FSTL5: variants seen among roughly 807,000 people sequenced by gnomAD.
FSTL5 encodes follistatin like 5, also known as follistatin-related protein 5.
Under a neutral mutation model 89.1 loss-of-function variants are expected in FSTL5, and 62 were observed. The ratio of observed to expected loss-of-function variants is 0.70; its 90% CI spans 0.57 to 0.86. The LOEUF (loss-of-function observed/expected upper bound fraction) is 0.86, where lower values mean the gene tolerates loss of function less well. Among genes scored for constraint, FSTL5 ranks in the 40% least tolerant of loss-of-function variants. The probability of loss-of-function intolerance (pLI) is 0.00; values close to 1 mark genes in which losing one functional copy is unlikely to be tolerated. For synonymous variants in FSTL5, 383 were observed against 346.2 expected (o/e 1.11, Z -1.18); for missense variants, 1,057 against 1,001.6 (o/e 1.06, Z -0.75).
chr4:161,830,184 T>C (rs1258911873), intron 4 of FSTL5, among the ~76,000 whole-genome samples: 1 of 152,032 alleles, frequency 6.6e-6, no homozygotes, highest in African/African-American at 2.4e-5. Context: ...TACAAAACAA[T>C]TGGTCCATCA....
chr4:161,997,831 C>T (rs1298347873), intron 3 of FSTL5, among the ~76,000 whole-genome samples: 1 of 152,048 alleles, frequency 6.6e-6, no homozygotes, highest in African/African-American at 2.4e-5. Context: ...GTCTCGATCT[C>T]CTGACCTCGT....
chr4:161,910,839 A>C (rs1425418243), intron 4 of FSTL5, among the ~76,000 whole-genome samples: 1 of 152,200 alleles, frequency 6.6e-6, no homozygotes, highest in African/African-American at 2.4e-5. Flanking sequence ...GACTACAAGT[A>C]AAAACATTTT....
At chr4:162,130,656 A>AT (rs1213940937) in intron 1 of FSTL5, among the ~76,000 whole-genome samples, 1 of 152,130 alleles carries the variant, frequency 6.6e-6, no homozygotes, top group Non-Finnish European at 1.5e-5. Context: ...AATAGCAAAC[A>AT]TTTTCTGAGT....
intron 7 of FSTL5, among the ~76,000 whole-genome samples, chr4:161,649,376 A>G (rs1273311482): frequency 6.6e-6 from 1 of 152,172 alleles, no homozygotes; most frequent in Non-Finnish European, 1.5e-5. Flanking sequence ...AATTAAACTC[A>G]ATCCTTACAA....
At chr4:161,758,010 C>T (rs914008814) in intron 6 of FSTL5, among the ~76,000 whole-genome samples, 1 of 152,166 alleles carries the variant, frequency 6.6e-6, no homozygotes, top group Non-Finnish European at 1.5e-5. Context: ...TCCTGTGTTG[C>T]ATTCTGCCTA....
At chr4:161,481,728 C>A (rs1233837188) in intron 12 of FSTL5, among the ~76,000 whole-genome samples, 1 of 152,104 alleles carries the variant, frequency 6.6e-6, no homozygotes, top group African/African-American at 2.4e-5. Flanking sequence ...TGTATAAAAT[C>A]TTTCAATATT....
intron 4 of FSTL5, among the ~76,000 whole-genome samples, chr4:161,783,040 T>C (rs1477860371): frequency 6.6e-6 from 1 of 151,796 alleles, no homozygotes; most frequent in Admixed American, 6.6e-5. Flanking sequence ...CAAAAGCAAA[T>C]CATAAAGATG....
chr4:161,942,573 A>G (rs373727382), intron 3 of FSTL5, among the ~76,000 whole-genome samples: 1 of 152,070 alleles, frequency 6.6e-6, no homozygotes, highest in East Asian at 1.9e-4. Context: ...ACATCTACCA[A>G]TTATGAGGAA....
chr4:162,070,782 A>G (rs1729587575), intron 2 of FSTL5, among the ~76,000 whole-genome samples: 1 of 151,796 alleles, frequency 6.6e-6, no homozygotes, highest in South Asian at 2.1e-4. Context: ...AGAACCTGCT[A>G]GCCAAGAATT....
At chr4:161,386,531 G>A in intron 15 of FSTL5, 82 bp from the exon 16 acceptor site, 3 of 884,092 alleles carry the variant, frequency 3.4e-6, no homozygotes, top group South Asian at 1.8e-5. Flanking sequence ...AGGTGGAAAG[G>A]TCCATCGCAG....
intron 1 of FSTL5, among the ~76,000 whole-genome samples, chr4:162,114,792 T>C (rs1731573706): frequency 6.6e-6 from 1 of 152,146 alleles, no homozygotes; most frequent in South Asian, 2.1e-4. Context: ...AGTGTGTAAA[T>C]CTTCAAGGCT....
At chr4:162,129,545 G>T (rs754323579) in intron 1 of FSTL5, among the ~76,000 whole-genome samples, 2 of 152,150 alleles carry the variant, frequency 1.3e-5, no homozygotes, top group Non-Finnish European at 2.9e-5. Context: ...ACAGAACATT[G>T]TTTACAATCT....
intron 3 of FSTL5, among the ~76,000 whole-genome samples, chr4:162,031,683 A>G (rs1319928708): frequency 2.0e-5 from 3 of 152,154 alleles, no homozygotes; most frequent in Admixed American, 2.0e-4. Context: ...CAAGCCTGTA[A>G]TCCCAGCACT....
rs200448645 is a variant in FSTL5, at chr4:161,726,916, T to A, written c.727+32495A>T. On this transcript the variant is annotated intron_variant, in intron 6 of 15. Coordinates refer to ENST00000306100, the MANE Select transcript of FSTL5 (RefSeq NM_020116.5). ...TCCCAAAGAGCAAAAAAAAAAAATA[T>A]ATATATATATATATGTATATGTAAT... Among the ~76,000 whole-genome samples the A allele has an allele frequency of 4.6e-3, 634 of 139,234 alleles. 3 individuals are homozygous for A. Among genetic ancestry groups the A allele is most frequent in the East Asian group, 0.013 (63 of 4,708 alleles). The allele number at this position is 139,234 out of a possible 152,430, so 91.3% of individuals were successfully genotyped here.
intron 3 of FSTL5, among the ~76,000 whole-genome samples, chr4:161,926,521 A>G (rs193270647): frequency 1.7e-3 from 261 of 151,634 alleles, no homozygotes; most frequent in Non-Finnish European, 2.6e-3. Flanking sequence ...ATGTTAATGA[A>G]TGTTTGCTAG....
chr4:161,982,813 T>C (rs892450965), intron 3 of FSTL5, among the ~76,000 whole-genome samples: 2 of 152,204 alleles, frequency 1.3e-5, no homozygotes, highest in African/African-American at 4.8e-5. Context: ...CATGGACTCC[T>C]TGTTAGGTCT....
At chr4:162,149,165 G>T (rs1445880353) in intron 1 of FSTL5, among the ~76,000 whole-genome samples, 1 of 152,012 alleles carries the variant, frequency 6.6e-6, no homozygotes, top group African/African-American at 2.4e-5. Flanking sequence ...ATCAAATCTG[G>T]AAGTGTTGAG....
At position 162,054,045 on chromosome 4, in the gene FSTL5, A is replaced by G. The variant is rs544140485; in HGVS notation, c.127-20387T>C. Among the ~76,000 whole-genome samples, 10 of 151,974 alleles carry G rather than the reference A, an allele frequency of 6.6e-5. No individual in the cohort carries two copies. In the East Asian group the frequency reaches 1.9e-3, roughly 29 times the overall value. On this transcript the variant is annotated intron_variant, in intron 2 of 15. Coordinates refer to ENST00000306100, the MANE Select transcript of FSTL5 (RefSeq NM_020116.5). ...TACTTATAAAATAGATGCAAAATTGATAAAATATTTAGCAAAATGAATGCA... is the reference window on the plus strand; with the variant it reads ...TACTTATAAAATAGATGCAAAATTGGTAAAATATTTAGCAAAATGAATGCA...
chr4:161,492,012 A>C (rs1729895294), intron 12 of FSTL5, among the ~76,000 whole-genome samples: 1 of 152,174 alleles, frequency 6.6e-6, no homozygotes, highest in South Asian at 2.1e-4. Context: ...TTATAATAGG[A>C]TTATACAATA....
Sources: gnomAD v4.1 joint callset for allele counts (sites outside exome capture counted in the v4.1 genomes callset) on GRCh38, gnomAD v4.1.1 for gene constraint, MANE v1.5 for transcripts, NCBI Gene and HGNC (gene_info 2026-07-23, HGNC 2026-07-21) for gene names.